The following MKKS variants were observed in gnomAD, a reference collection of about 807,000 sequenced individuals.
MKKS encodes molecular chaperone MKKS.
MKKS carries 29 observed loss-of-function variants against 33.2 expected under a neutral mutation model. The ratio of observed to expected loss-of-function variants is 0.87; its 90% CI spans 0.65 to 1.19. The LOEUF (loss-of-function observed/expected upper bound fraction) is 1.19. Ranked by LOEUF, MKKS falls within the 50% of genes most tolerant of loss-of-function variation. MKKS has a pLI of 0.00. For missense variants in MKKS, 661 were observed against 662.3 expected (o/e 1.00, Z 0.02); for synonymous variants, 260 against 244.0 (o/e 1.07, Z -0.61).
chr20:10,428,874 C>T (rs1303609336), intron 1 of MKKS, among the ~76,000 whole-genome samples: 1 of 152,060 alleles, frequency 6.6e-6, no homozygotes. Context: ...AAACTCCTTG[C>T]CTGCTGTCAG....
chr20:10,423,368 G>C (rs1489339856), intron 1 of MKKS, among the ~76,000 whole-genome samples: 2 of 152,114 alleles, frequency 1.3e-5, no homozygotes, highest in Non-Finnish European at 2.9e-5. Context: ...GCTGCGGTGA[G>C]CTGAGATAAC....
At chr20:10,418,507 G>A (rs1160836750) in intron 2 of MKKS, among the ~76,000 whole-genome samples, 3 of 151,956 alleles carry the variant, frequency 2.0e-5, no homozygotes, top group Admixed American at 6.6e-5. Context: ...CTCTAAATCC[G>A]GCTCTAACTT....
intron 1 of MKKS, among the ~76,000 whole-genome samples, chr20:10,421,055 C>G (rs950600588): frequency 1.3e-5 from 2 of 152,156 alleles, no homozygotes; most frequent in African/African-American, 4.8e-5. Flanking sequence ...AACACACATG[C>G]ATGGAGTGTT....
chr20:10,427,986 A>G (rs762241827), intron 1 of MKKS, among the ~76,000 whole-genome samples: 2 of 152,236 alleles, frequency 1.3e-5, no homozygotes, highest in African/African-American at 2.4e-5. Flanking sequence ...ATGCGTAAGT[A>G]TCTTATGTCT....
chr20:10,413,386 C>T lies in MKKS; in HGVS notation c.129G>A (p.Leu43=), dbSNP rs750807620. The T allele has an allele frequency of 6.2e-7, 1 of 1,613,058 alleles. No homozygotes were observed. Among genetic ancestry groups the T allele is most frequent in the South Asian group, 1.1e-5 (1 of 91,072 alleles). ...VTSCYGPSGR[L]KQLHNGFGGY... is the part of the protein sequence containing the mutation. ...CTCCAAAGCCATTGTGCAGCTGCTT[C>T]AGCCTACCTGAGGGGCCATAGCATG... Residue 43 remains leucine, a synonymous_variant, in exon 3 of 6, where the codon CTG becomes CTA. Coordinates refer to ENST00000347364, the MANE Select transcript of MKKS (RefSeq NM_170784.3).
chr20:10,432,703 G>A (rs564364065), intron 1 of MKKS, among the ~76,000 whole-genome samples: 99 of 146,620 alleles, frequency 6.8e-4, no homozygotes, highest in African/African-American at 2.2e-3. Flanking sequence ...GCTAAGGCAG[G>A]GAGAATTGCT....
chr20:10,417,973 A>G (rs2064952600), intron 2 of MKKS, among the ~76,000 whole-genome samples: 1 of 152,210 alleles, frequency 6.6e-6, no homozygotes, highest in Non-Finnish European at 1.5e-5. Context: ...TATCAAATGC[A>G]ATACGTAGAC....
chr20:10,408,116 C>G (rs573873374), intron 4 of MKKS, among the ~76,000 whole-genome samples: 1 of 152,104 alleles, frequency 6.6e-6, no homozygotes, highest in African/African-American at 2.4e-5. Flanking sequence ...CAGTTACATC[C>G]CAGCAATAAT....
intron 1 of MKKS, among the ~76,000 whole-genome samples, chr20:10,422,683 C>T (rs2064989050): frequency 6.6e-6 from 1 of 151,902 alleles, no homozygotes; most frequent in East Asian, 1.9e-4. Flanking sequence ...CCTCTATTCC[C>T]CTCAACATGA....
At chr20:10,426,550 C>A (rs1268944630) in intron 1 of MKKS, among the ~76,000 whole-genome samples, 1 of 152,216 alleles carries the variant, frequency 6.6e-6, no homozygotes, top group African/African-American at 2.4e-5. Flanking sequence ...CAGGCCCACG[C>A]CACCATGCCC....
Position 10,412,983 on chromosome 20 carries a change from T to A in MKKS, c.532A>T (p.Ile178Phe), listed in dbSNP as rs2064904390. 1 of 1,613,976 alleles carries A rather than the reference T, an allele frequency of 6.2e-7. No homozygotes were observed. Among genetic ancestry groups the A allele is most frequent in the Non-Finnish European group, 8.5e-7 (1 of 1,180,040 alleles). The change falls in exon 3 of 6, where the codon ATC becomes TTC. Residue 178 changes from isoleucine (I) to phenylalanine (F), a missense_variant. By Grantham distance (21) the Ile-to-Phe change is conservative. Transcript: ENST00000347364. ...RKETEHVSAL[I>F]LRAFLLTIPE... ...ATTGTAAGCAAAAAGGCTCTCAGGATCAAAGCACTGACATGCTCTGTTTCC... is the reference window on the plus strand; with the variant it reads ...ATTGTAAGCAAAAAGGCTCTCAGGAACAAAGCACTGACATGCTCTGTTTCC...
At position 10,421,777 on chromosome 20, in the gene MKKS, A is replaced by AAT. The variant is rs765387193; in HGVS notation, c.-648-1021_-648-1020dup. Reference sequence around the variant, plus strand: ...AGTTACAAAGTTAGTTAGCTTTTAAAATATATATATATATATTTTAAATTT... The same window carrying AAT: ...AGTTACAAAGTTAGTTAGCTTTTAAAATATATATATATATATATTTTAAATTT... On this transcript the variant is annotated intron_variant, in intron 1 of 5. Coordinates refer to ENST00000347364, the MANE Select transcript of MKKS (RefSeq NM_170784.3). Among the ~76,000 whole-genome samples the AAT allele has an allele frequency of 1.8e-3, 269 of 150,444 alleles. 2 individuals are homozygous for AAT. Among genetic ancestry groups the AAT allele is most frequent in the African/African-American group, 5.2e-3 (216 of 41,144 alleles).
At chr20:10,426,516 C>G (rs1351196921) in intron 1 of MKKS, among the ~76,000 whole-genome samples, 1 of 152,212 alleles carries the variant, frequency 6.6e-6, no homozygotes, top group African/African-American at 2.4e-5. Flanking sequence ...TCTCGTACCT[C>G]AGCCTCCCAG....
In MKKS at chr20:10,403,724, G is replaced by C. The variant is rs1296956846; in HGVS notation, c.*1523C>G. The C allele has an allele frequency of 6.6e-6, 1 of 151,800 alleles. No homozygotes were observed. The highest frequency in any genetic ancestry group is 2.0e-4 in the East Asian group (1 of 5,096). 9.4% of individuals were successfully genotyped at this position (151,800 alleles called of 1,614,324 possible). A position where few individuals can be genotyped will look rare whatever the true frequency, so the allele number is the denominator to read the frequency against. On this transcript the variant is annotated 3_prime_UTR_variant, in exon 6 of 6. Coordinates refer to ENST00000347364, the MANE Select transcript of MKKS (RefSeq NM_170784.3). ...ACTAAGTCTAGCCCATGCTCAAGGG[G>C]AGGAAATTATGCAAGGTCTGAAACT...
At chr20:10,418,362 G>A (rs1414900506) in intron 2 of MKKS, among the ~76,000 whole-genome samples, 1 of 152,042 alleles carries the variant, frequency 6.6e-6, no homozygotes, top group East Asian at 1.9e-4. Context: ...ATACTTGAGG[G>A]CTCAATATAC....
At position 10,403,853 on chromosome 20, in the gene MKKS, G is replaced by A. The variant is rs2064824164; in HGVS notation, c.*1394C>T. ...TGATAAATATTTTATGAGACTTCAG[G>A]TGGGGCTGATACCTAACATATATGG... On this transcript the variant is annotated 3_prime_UTR_variant, in exon 6 of 6. Transcript: ENST00000347364. 2 of 152,162 alleles carry A rather than the reference G, an allele frequency of 1.3e-5. No individual in the cohort carries two copies. The highest frequency in any genetic ancestry group is 2.9e-5 in the Non-Finnish European group (2 of 68,026). The allele number at this position is 152,162 out of a possible 1,614,324, so 9.4% of individuals were successfully genotyped here. A position where few individuals can be genotyped will look rare whatever the true frequency, so the allele number is the denominator to read the frequency against.
At chr20:10,407,805 T>C (rs886461432) in intron 4 of MKKS, 79 bp from the exon 5 acceptor site, 2 of 1,048,940 alleles carry the variant, frequency 1.9e-6, no homozygotes, top group South Asian at 1.3e-5. Flanking sequence ...CAAAGCATCA[T>C]AGTGAATACA....
rs1241731678 is a variant in MKKS, at chr20:10,403,510, G to T, written c.*1737C>A. ...GATATCATAACTGGAATCACCCCAG[G>T]CTTCCTCAGGAGGTAGTTCTTTAAG... is the stretch of plus-strand genomic sequence containing the variant. On this transcript the variant is annotated 3_prime_UTR_variant, in exon 6 of 6. Transcript: ENST00000347364. 6.6e-6 allele frequency: 1 copy of T among 152,158 alleles called. No homozygotes were observed. The highest frequency in any genetic ancestry group is 2.4e-5 in the African/African-American group (1 of 41,432). 9.4% of individuals were successfully genotyped at this position (152,158 alleles called of 1,614,324 possible).
rs1306231185 is a variant in MKKS, at chr20:10,407,645, T to TTTCA, written c.1239_1242dup (p.Thr415Ter). On this transcript the variant is annotated stop_gained and frameshift_variant, in exon 5 of 6. Transcript: ENST00000347364. LOFTEE classifies it low-confidence loss of function (END_TRUNC). ...TGTCTGATATATGCAGCCAAATGAG[T>TTTCA]TTCAGTACAGCCACCTCCCAACAAA... 9 of 1,613,704 alleles carry TTTCA rather than the reference T, an allele frequency of 5.6e-6. No homozygotes were observed. The highest frequency in any genetic ancestry group is 7.6e-6 in the Non-Finnish European group (9 of 1,179,874).
Sources: allele counts gnomAD v4.1 joint callset (sites outside exome capture counted in the v4.1 genomes callset), GRCh38; gene constraint gnomAD v4.1.1; transcripts MANE v1.5; gene names NCBI Gene and HGNC (gene_info 2026-07-23, HGNC 2026-07-21).